Variants in PAPSS2 observed in about 807,000 individuals in gnomAD.
The protein encoded by PAPSS2 is bifunctional 3'-phosphoadenosine 5'-phosphosulfate synthase 2.
PAPSS2 carries 61 observed loss-of-function variants against 66.5 expected under a neutral mutation model. The ratio of observed to expected loss-of-function variants is 0.92; its 90% CI spans 0.75 to 1.14. PAPSS2 has a LOEUF of 1.14. Among genes scored for constraint, PAPSS2 ranks in the 50% most tolerant of loss-of-function variants. The pLI is 0.00. For missense variants in PAPSS2, 708 were observed against 789.6 expected (o/e 0.90, Z 1.24); for synonymous variants, 289 against 287.5 (o/e 1.01, Z -0.05).
intron 2 of PAPSS2, among the ~76,000 whole-genome samples, chr10:87,712,444 G>A (rs1295053631): frequency 1.3e-5 from 2 of 152,122 alleles, no homozygotes; most frequent in Non-Finnish European, 2.9e-5. Flanking sequence ...ATCTGGATTT[G>A]TATACACAAC....
At chr10:87,725,367 T>C (rs1052986252) in intron 8 of PAPSS2, among the ~76,000 whole-genome samples, 4 of 152,222 alleles carry the variant, frequency 2.6e-5, no homozygotes, top group African/African-American at 9.7e-5. Context: ...TGCTGTGCTG[T>C]ATACTGAGAA....
intron 1 of PAPSS2, among the ~76,000 whole-genome samples, chr10:87,673,193 G>A (rs1472352463): frequency 6.6e-6 from 1 of 152,168 alleles, no homozygotes; most frequent in Non-Finnish European, 1.5e-5. Context: ...AATTGTGTTT[G>A]TTGTATTGTC....
chr10:87,725,138 C>T (rs1853643769), intron 8 of PAPSS2, among the ~76,000 whole-genome samples: 1 of 152,188 alleles, frequency 6.6e-6, no homozygotes, highest in South Asian at 2.1e-4. Flanking sequence ...TTAATCCCAT[C>T]TAAAAAGTAC....
Position 87,745,105 on chromosome 10 carries a change from A to T in PAPSS2, c.1595A>T (p.Tyr532Phe). 1 of 1,614,180 alleles carries T rather than the reference A, an allele frequency of 6.2e-7. No individual in the cohort carries two copies. Among genetic ancestry groups the T allele is most frequent in the Non-Finnish European group, 8.5e-7 (1 of 1,180,000 alleles). ...MPHPETKKDL[Y>F]EPTHGGKVLS... is the part of the protein sequence containing the mutation. ...CATCCTGAAACCAAGAAGGATCTGTATGAACCCACTCATGGGGGCAAGGTC... is the reference window on the plus strand; with the variant it reads ...CATCCTGAAACCAAGAAGGATCTGTTTGAACCCACTCATGGGGGCAAGGTC... The change falls in exon 12 of 13, where the codon TAT becomes TTT. Residue 532 changes from tyrosine (Y) to phenylalanine (F), a missense_variant. Coordinates refer to ENST00000456849, the MANE Select transcript of PAPSS2 (RefSeq NM_001015880.2).
chr10:87,739,116 T>G (rs1050814453), intron 9 of PAPSS2, among the ~76,000 whole-genome samples: 4 of 152,206 alleles, frequency 2.6e-5, no homozygotes, highest in Admixed American at 2.0e-4. Flanking sequence ...CCCTTATATT[T>G]TTTGTAAGAG....
chr10:87,713,453 T>A (rs1853492242), intron 3 of PAPSS2, 143 bp downstream of exon 3: 1 of 648,668 alleles, frequency 1.5e-6, no homozygotes, highest in Non-Finnish European at 2.7e-6. Context: ...CTTCCCCCAA[T>A]AACAGGCTCT....
chr10:87,734,728 G>A (rs1032731076), intron 9 of PAPSS2, among the ~76,000 whole-genome samples: 5 of 127,374 alleles, frequency 3.9e-5, no homozygotes, highest in Non-Finnish European at 6.5e-5. Context: ...CCTCTTGTAG[G>A]CATTAGTTTT....
At chr10:87,723,112 C>T (rs932743778) in intron 8 of PAPSS2, among the ~76,000 whole-genome samples, 3 of 152,214 alleles carry the variant, frequency 2.0e-5, no homozygotes, top group African/African-American at 7.2e-5. Flanking sequence ...TAGGTTCTTT[C>T]AGCACCCTGC....
intron 8 of PAPSS2, among the ~76,000 whole-genome samples, chr10:87,722,121 AT>A (rs997046146): frequency 6.6e-5 from 10 of 152,086 alleles, no homozygotes; most frequent in South Asian, 2.1e-4. Context: ...AAAGCTGGAA[AT>A]TTTTTTTCCT....
intron 1 of PAPSS2, among the ~76,000 whole-genome samples, chr10:87,665,552 G>A (rs895985422): frequency 1.3e-5 from 2 of 152,168 alleles, no homozygotes; most frequent in African/African-American, 4.8e-5. Context: ...TGTGAATTTG[G>A]ATTGCTATTT....
chr10:87,743,707 T>C, intron 11 of PAPSS2, 66 bp downstream of exon 11: 1 of 1,561,786 alleles, frequency 6.4e-7, no homozygotes, highest in African/African-American at 1.4e-5. Context: ...CATAGAAGAG[T>C]AAATGAGTCT....
At chr10:87,670,802 G>A (rs147292501) in intron 1 of PAPSS2, among the ~76,000 whole-genome samples, 2,292 of 152,256 alleles carry the variant, frequency 0.015, 27 homozygotes, top group African/African-American at 0.038. Flanking sequence ...GTCACATTTA[G>A]GGAATGGAAA....
intron 1 of PAPSS2, among the ~76,000 whole-genome samples, chr10:87,668,658 ATGTGTGTGTGTG>A (rs58768390): frequency 7.4e-5 from 11 of 149,262 alleles, no homozygotes; most frequent in Admixed American, 1.3e-4. Context: ...TACTTTAAAA[ATGTGTGTGTGTG>A]TGTGTGTGTG....
chr10:87,661,295 G>A (rs2131890034), intron 1 of PAPSS2, among the ~76,000 whole-genome samples: 1 of 152,208 alleles, frequency 6.6e-6, no homozygotes, highest in South Asian at 2.1e-4. Context: ...CAGGGTGTAG[G>A]TGGCATCAAT....
At chr10:87,700,563 T>C (rs1853290036) in intron 1 of PAPSS2, among the ~76,000 whole-genome samples, 1 of 150,452 alleles carries the variant, frequency 6.6e-6, no homozygotes, top group Admixed American at 6.7e-5. Context: ...GAGGCTGTGA[T>C]GGGAGGATCG....
intron 1 of PAPSS2, chr10:87,703,919 T>A (rs1030550647): frequency 6.0e-6 from 3 of 499,010 alleles, no homozygotes; most frequent in African/African-American, 5.9e-5. Context: ...ACAGACATTT[T>A]TTCCTTTAAC....
chr10:87,709,852 A>G (rs935456768), intron 2 of PAPSS2, among the ~76,000 whole-genome samples: 1 of 152,230 alleles, frequency 6.6e-6, no homozygotes, highest in African/African-American at 2.4e-5. Context: ...TTGGCTGAGG[A>G]TTGCCCTTGT....
intron 9 of PAPSS2, among the ~76,000 whole-genome samples, chr10:87,730,880 A>C (rs570152029): frequency 6.6e-6 from 1 of 152,356 alleles, no homozygotes; most frequent in East Asian, 1.9e-4. Flanking sequence ...GGGTTTAAGG[A>C]AAAAAGCCAT....
chr10:87,697,077 C>T (rs1389683550), intron 1 of PAPSS2, among the ~76,000 whole-genome samples: 2 of 152,140 alleles, frequency 1.3e-5, no homozygotes, highest in East Asian at 3.9e-4. Flanking sequence ...AGTTTTGTCT[C>T]CTTAGGTTCC....
Sources: allele counts gnomAD v4.1 joint callset (sites outside exome capture counted in the v4.1 genomes callset), GRCh38; gene constraint gnomAD v4.1.1; transcripts MANE v1.5; gene names NCBI Gene and HGNC (gene_info 2026-07-23, HGNC 2026-07-21).